The following CTNNA3 variants were observed in gnomAD, a reference collection of about 807,000 sequenced individuals.
The protein encoded by CTNNA3 is catenin alpha-3.
CTNNA3 carries 76 observed loss-of-function variants against 95.7 expected under a neutral mutation model. The observed-to-expected ratio is 0.79, with a 90% CI of 0.66 to 0.96. The LOEUF (loss-of-function observed/expected upper bound fraction) is 0.96. Among genes scored for constraint, CTNNA3 ranks in the 40% least tolerant of loss-of-function variants. CTNNA3 has a pLI of 0.00. For missense variants in CTNNA3, 1,191 were observed against 1,089.8 expected, an observed-to-expected ratio of 1.09 and a Z score of -1.31; for synonymous variants, 431 against 374.4, an observed-to-expected ratio of 1.15 and a Z score of -1.74.
At chr10:66,084,532 A>G (rs940280305) in intron 14 of CTNNA3, among the ~76,000 whole-genome samples, 3 of 152,196 alleles carry the variant, frequency 2.0e-5, no homozygotes, top group African/African-American at 7.2e-5. Context: ...GGCAGTACCT[A>G]AAATAGATGT....
chr10:66,585,181 T>C (rs1263327248), intron 10 of CTNNA3, among the ~76,000 whole-genome samples: 1 of 152,082 alleles, frequency 6.6e-6, no homozygotes, highest in Non-Finnish European at 1.5e-5. Flanking sequence ...GTTTTTGCAA[T>C]GAGTCTCTCA....
intron 7 of CTNNA3, among the ~76,000 whole-genome samples, chr10:67,102,216 A>G (rs1248224382): frequency 1.3e-5 from 2 of 151,786 alleles, no homozygotes; most frequent in Non-Finnish European, 2.9e-5. Context: ...CCAAGTACAA[A>G]GGACCCAGGA....
chr10:66,652,433 T>C (rs1016074329), intron 9 of CTNNA3, among the ~76,000 whole-genome samples: 4 of 151,810 alleles, frequency 2.6e-5, no homozygotes, highest in African/African-American at 2.4e-5. Flanking sequence ...CCCACCCAGA[T>C]TGAATCAAAA....
chr10:67,526,113 G>C (rs1158499954), intron 4 of CTNNA3, among the ~76,000 whole-genome samples: 1 of 152,104 alleles, frequency 6.6e-6, no homozygotes, highest in Non-Finnish European at 1.5e-5. Context: ...TTAATACCTA[G>C]AGTAAAAAGA....
At chr10:66,505,769 A>C (rs1428062566) in intron 11 of CTNNA3, among the ~76,000 whole-genome samples, 1 of 152,156 alleles carries the variant, frequency 6.6e-6, no homozygotes, top group Non-Finnish European at 1.5e-5. Flanking sequence ...AAGGGCCATT[A>C]AGGATTATTT....
chr10:67,623,697 T>C (rs940388885), intron 2 of CTNNA3, among the ~76,000 whole-genome samples: 6 of 152,108 alleles, frequency 3.9e-5, no homozygotes, highest in South Asian at 2.1e-4. Flanking sequence ...AGCACAGAAT[T>C]GGGAAGAGAG....
chr10:67,591,533 G>C (rs1221247865), intron 3 of CTNNA3, among the ~76,000 whole-genome samples: 1 of 151,978 alleles, frequency 6.6e-6, no homozygotes, highest in Non-Finnish European at 1.5e-5. Context: ...CTTGAACCAA[G>C]TAATATAATA....
chr10:65,929,969 T>G (rs899671696), intron 17 of CTNNA3, among the ~76,000 whole-genome samples: 13 of 151,736 alleles, frequency 8.6e-5, no homozygotes, highest in African/African-American at 3.1e-4. Context: ...CTACCCACGG[T>G]TGAAAATCCA....
intron 5 of CTNNA3, among the ~76,000 whole-genome samples, chr10:67,455,607 T>C (rs899507780): frequency 1.8e-4 from 28 of 152,178 alleles, no homozygotes; most frequent in African/African-American, 6.3e-4. Flanking sequence ...GTCCCCTTTA[T>C]ATAATGTCAG....
chr10:67,563,770 G>T (rs888150768), intron 3 of CTNNA3, among the ~76,000 whole-genome samples: 3 of 151,308 alleles, frequency 2.0e-5, no homozygotes, highest in South Asian at 2.1e-4. Flanking sequence ...ATCCAGAATC[G>T]ATAAAGAACT....
At chr10:66,114,510 A>G (rs574336727) in intron 13 of CTNNA3, among the ~76,000 whole-genome samples, 1 of 151,388 alleles carries the variant, frequency 6.6e-6, no homozygotes, top group East Asian at 1.9e-4. Flanking sequence ...GCATATATGT[A>G]TATATATATA....
At chr10:67,751,688 C>T (rs1235311902) in intron 1 of CTNNA3, among the ~76,000 whole-genome samples, 2 of 152,028 alleles carry the variant, frequency 1.3e-5, no homozygotes, top group African/African-American at 4.8e-5. Context: ...CTATAAACAC[C>T]TCTACGCAAA....
chr10:66,338,236 G>A (rs1003146678), intron 12 of CTNNA3, among the ~76,000 whole-genome samples: 3 of 151,972 alleles, frequency 2.0e-5, no homozygotes, highest in Non-Finnish European at 4.4e-5. Flanking sequence ...TATATAAGAT[G>A]TCATAGAAAG....
intron 11 of CTNNA3, among the ~76,000 whole-genome samples, chr10:66,414,873 A>C (rs1398436485): frequency 6.6e-6 from 1 of 152,056 alleles, no homozygotes; most frequent in African/African-American, 2.4e-5. Flanking sequence ...CACTACCTGA[A>C]GCCCAGTGGT....
chr10:67,682,038 A>T (rs1312379182), intron 1 of CTNNA3, among the ~76,000 whole-genome samples: 2 of 151,650 alleles, frequency 1.3e-5, no homozygotes, highest in Non-Finnish European at 2.9e-5. Context: ...GGCACCCGTA[A>T]TCGCAGCTAC....
intron 7 of CTNNA3, among the ~76,000 whole-genome samples, chr10:67,021,445 T>C (rs780128820): frequency 2.0e-5 from 3 of 152,080 alleles, no homozygotes; most frequent in Non-Finnish European, 4.4e-5. Flanking sequence ...ATATAAAATT[T>C]TAAATACCGT....
intron 5 of CTNNA3, among the ~76,000 whole-genome samples, chr10:67,307,990 T>A (rs1840626407): frequency 6.6e-6 from 1 of 152,184 alleles, no homozygotes; most frequent in Non-Finnish European, 1.5e-5. Flanking sequence ...CTAAGAGGAA[T>A]AACATTATCT....
rs189254028 is a variant in CTNNA3 at position 66,882,322 on chromosome 10, A to T, written c.1048-106798T>A. ...ATTTGAGTTAGAGCAGAAAGGGAAC[A>T]GTCCCATAGCTTTAATTGCAGACAC... On this transcript the variant is annotated intron_variant, in intron 7 of 17. Transcript: ENST00000433211. Among the ~76,000 whole-genome samples the T allele has an allele frequency of 2.0e-5, 3 of 152,278 alleles. No homozygotes were observed. The East Asian group carries it at 5.8e-4, about 29-fold the overall frequency.
intron 5 of CTNNA3, among the ~76,000 whole-genome samples, chr10:67,297,345 G>C (rs10823023): frequency 0.25 from 38,297 of 152,012 alleles, 7,044 homozygotes; most frequent in African/African-American, 0.51. Context: ...GTTTGCTAGG[G>C]ACCATCCATG....
Sources: gnomAD v4.1 joint callset for allele counts (sites outside exome capture counted in the v4.1 genomes callset) on GRCh38, gnomAD v4.1.1 for gene constraint, MANE v1.5 for transcripts, NCBI Gene and HGNC (gene_info 2026-07-23, HGNC 2026-07-21) for gene names.